PCDHGA2: variants seen among roughly 807,000 people sequenced by gnomAD.
PCDHGA2 encodes the protein protocadherin gamma subfamily A, 2.
In PCDHGA2, 40 loss-of-function variants were observed where a neutral mutation model predicts 59.2. That is an observed-to-expected ratio of 0.68 (90% confidence interval 0.52 to 0.88). The LOEUF (loss-of-function observed/expected upper bound fraction) is 0.88, where lower values mean the gene tolerates loss of function less well. Ranked by LOEUF, PCDHGA2 falls within the 40% of genes least tolerant of loss-of-function variation. PCDHGA2 has a pLI of 0.00. For synonymous variants in PCDHGA2, 560 were observed against 526.0 expected (o/e 1.06, Z -0.89); for missense variants, 1,226 against 1,204.0 (o/e 1.02, Z -0.27).
intron 1 of PCDHGA2, chr5:141,413,863 G>A (rs1367797365): frequency 1.9e-6 from 3 of 1,613,356 alleles, no homozygotes; most frequent in Admixed American, 1.7e-5. Flanking sequence ...ATCTGGCACT[G>A]TCCTTGTCAG....
chr5:141,414,515 C>T, intron 1 of PCDHGA2: 1 of 1,613,958 alleles, frequency 6.2e-7, no homozygotes, highest in Non-Finnish European at 8.5e-7. Flanking sequence ...CTACAAGTGG[C>T]AGATATCAAT....
chr5:141,383,226 G>A (rs771882574), intron 1 of PCDHGA2: 1 of 1,613,936 alleles, frequency 6.2e-7, no homozygotes, highest in Non-Finnish European at 8.5e-7. Flanking sequence ...TTAACATCCT[G>A]ATGGAAGATA....
intron 1 of PCDHGA2, chr5:141,374,029 A>T (rs1460112886): frequency 7.0e-7 from 1 of 1,428,780 alleles, no homozygotes; most frequent in Non-Finnish European, 9.2e-7. Flanking sequence ...AGCAAAAGTG[A>T]TGCAGATCTG....
Position 141,428,104 on chromosome 5 carries a change from T to C in PCDHGA2, c.2425-66703T>C, listed in dbSNP as rs751953406. ...AACGCTTGGCTGTCCTACCACGTGCTGCAGGCCATCGAGCCCGGGCTTTTC... is the reference window on the plus strand; with the variant it reads ...AACGCTTGGCTGTCCTACCACGTGCCGCAGGCCATCGAGCCCGGGCTTTTC... On this transcript the variant is annotated intron_variant, in intron 1 of 3. Coordinates refer to ENST00000394576, the MANE Select transcript of PCDHGA2 (RefSeq NM_018915.4). The C allele has an allele frequency of 1.9e-6, 3 of 1,608,398 alleles. No individual in the cohort carries two copies. The South Asian group carries it at 3.3e-5, about 18-fold the overall frequency.
chr5:141,450,887 C>A (rs531604055), intron 1 of PCDHGA2, among the ~76,000 whole-genome samples: 1 of 148,582 alleles, frequency 6.7e-6, no homozygotes, highest in East Asian at 2.0e-4. Flanking sequence ...TGCAGTGGTG[C>A]GATATCGGCT....
At chr5:141,478,137 G>C (rs762316494) in intron 1 of PCDHGA2, 1 of 1,613,872 alleles carries the variant, frequency 6.2e-7, no homozygotes, top group South Asian at 1.1e-5. Context: ...CCTGAAGCCC[G>C]AGCCGAGTTC....
Position 141,340,224 on chromosome 5 carries a change from AC to A in PCDHGA2, c.1254del (p.Tyr418Ter). 6.2e-7 allele frequency: 1 copy of A among 1,614,162 alleles called. No individual in the cohort carries two copies. Among genetic ancestry groups the A allele is most frequent in the Non-Finnish European group, 8.5e-7 (1 of 1,180,016 alleles). On this transcript the variant is annotated frameshift_variant, in exon 1 of 4. Transcript: ENST00000394576. LOFTEE classifies it high-confidence loss of function. Reference protein sequence around the residue: ...RALDREQFSFYNITLTAKDGG... With the variant: ...RALDREQFSFXNITLTAKDGG... ...CTTGACAGGGAACAGTTTTCCTTTTACAACATCACTCTAACCGCTAAAGATG... is the reference window on the plus strand; with the variant it reads ...CTTGACAGGGAACAGTTTTCCTTTTAAACATCACTCTAACCGCTAAAGATG...
intron 1 of PCDHGA2, chr5:141,344,813 G>A: frequency 6.2e-7 from 1 of 1,613,936 alleles, no homozygotes; most frequent in South Asian, 1.1e-5. Flanking sequence ...TGGGTACCCG[G>A]CTGCTCACGG....
chr5:141,408,958 T>A, intron 1 of PCDHGA2: 8 of 1,613,670 alleles, frequency 5.0e-6, no homozygotes, highest in Non-Finnish European at 6.8e-6. Flanking sequence ...TTAGTCTTAG[T>A]GAAAATCTGC....
At chr5:141,510,862 C>T (rs764422869) in intron 3 of PCDHGA2, 85 bp from the exon 4 acceptor site, 22 of 1,606,772 alleles carry the variant, frequency 1.4e-5, no homozygotes, top group Non-Finnish European at 1.7e-5. Flanking sequence ...GCTGTATAGG[C>T]ATTCATTAAC....
intron 1 of PCDHGA2, chr5:141,365,772 G>T (rs373332121): frequency 1.1e-5 from 18 of 1,613,758 alleles, no homozygotes; most frequent in Admixed American, 3.3e-5. Flanking sequence ...GACCCCGACA[G>T]CGGCGACAAC....
chr5:141,360,619 G>A, intron 1 of PCDHGA2: 2 of 1,614,012 alleles, frequency 1.2e-6, no homozygotes, highest in East Asian at 2.2e-5. Context: ...GGATTCAGAT[G>A]TTGGTCCTAA....
chr5:141,353,490 G>T (rs1435976682), intron 1 of PCDHGA2, among the ~76,000 whole-genome samples: 3 of 152,106 alleles, frequency 2.0e-5, no homozygotes, highest in Non-Finnish European at 4.4e-5. Flanking sequence ...TTAACACTTT[G>T]TCTCATCACA....
intron 1 of PCDHGA2, among the ~76,000 whole-genome samples, chr5:141,454,932 C>T (rs945154196): frequency 1.3e-5 from 2 of 150,768 alleles, no homozygotes; most frequent in African/African-American, 2.4e-5. Context: ...CTCAGCCTCC[C>T]GAGTAGCTGG....
intron 1 of PCDHGA2, chr5:141,478,354 C>G (rs141625672): frequency 2.8e-5 from 45 of 1,613,660 alleles, no homozygotes; most frequent in Non-Finnish European, 3.2e-5. Flanking sequence ...ACGCGGACGC[C>G]GTGCGGGGAG....
At chr5:141,411,161 A>G (rs2095470005) in intron 1 of PCDHGA2, 1 of 152,284 alleles carries the variant, frequency 6.6e-6, no homozygotes, top group Non-Finnish European at 1.5e-5. Context: ...AGTTCTGACT[A>G]TCGAACAGAA....
At position 141,486,368 on chromosome 5, in the gene PCDHGA2, T is replaced by C. The variant is rs1217513529; in HGVS notation, c.2425-8439T>C. 6.2e-7 allele frequency: 1 copy of C among 1,614,014 alleles called. No homozygotes were observed. Among genetic ancestry groups the C allele is most frequent in the Non-Finnish European group, 8.5e-7 (1 of 1,180,000 alleles). On this transcript the variant is annotated intron_variant, in intron 1 of 3. Coordinates refer to ENST00000394576, the MANE Select transcript of PCDHGA2 (RefSeq NM_018915.4). This position sits in a 1 kb window ranked among gnomAD's most constrained non-coding sequence, Gnocchi z 5.0. ...TGACCACTTGCCATTTGCCCTCAAGTCTGCCTTCAGGAACCAGTTCTCCCT... is the reference window on the plus strand; with the variant it reads ...TGACCACTTGCCATTTGCCCTCAAGCCTGCCTTCAGGAACCAGTTCTCCCT...
chr5:141,403,215 G>A (rs2150961720), intron 1 of PCDHGA2: 1 of 1,613,996 alleles, frequency 6.2e-7, no homozygotes, highest in South Asian at 1.1e-5. Flanking sequence ...GTCACCGCGG[G>A]TAGGATAGAC....
At chr5:141,498,971 G>GGGAGGGAAGGAAGGAAGGAA (rs2099787588) in intron 2 of PCDHGA2, among the ~76,000 whole-genome samples, 11 of 111,048 alleles carry the variant, frequency 9.9e-5, no homozygotes, top group African/African-American at 3.2e-4. Context: ...GAGGGAGGGA[G>GGGAGGGAAGGAAGGAAGGAA]GGAAGGAAGG....
Sources: gnomAD v4.1 joint callset for allele counts (sites outside exome capture counted in the v4.1 genomes callset) on GRCh38, gnomAD v4.1.1 for gene constraint, Gnocchi (gnomAD v3.1) non-coding constraint, MANE v1.5 for transcripts, NCBI Gene and HGNC (gene_info 2026-07-23, HGNC 2026-07-21) for gene names.